The following S100A8 variants were observed in gnomAD, a reference collection of about 807,000 sequenced individuals.
S100A8 encodes S100 calcium binding protein A8.
Under a neutral mutation model 4.2 loss-of-function variants are expected in S100A8, and 1 was observed. That is an observed-to-expected ratio of 0.24 (90% CI 0.08 to 1.12). The LOEUF (loss-of-function observed/expected upper bound fraction) is 1.12. S100A8 is among the 50% of genes most tolerant of loss of function. S100A8 has a pLI of 0.53. For missense variants in S100A8, 96 were observed against 111.8 expected, an observed-to-expected ratio of 0.86 and a Z score of 0.64; for synonymous variants, 41 against 44.7, an observed-to-expected ratio of 0.92 and a Z score of 0.33.
chr1:153,394,183 C>T (rs1662165176), upstream of S100A8, among the ~76,000 whole-genome samples: 1 of 152,178 alleles, frequency 6.6e-6, no homozygotes, highest in Non-Finnish European at 1.5e-5. Flanking sequence ...TGTGTCCCAA[C>T]AGACCTGACA....
the S100A8 span, among the ~76,000 whole-genome samples, chr1:153,415,231 C>T: frequency 1.3e-5 from 2 of 151,440 alleles, no homozygotes; most frequent in African/African-American, 2.4e-5. Flanking sequence ...GTAATATTGC[C>T]GTCATATGGG....
At chr1:153,395,483 G>A (rs772499145), upstream of S100A8, among the ~76,000 whole-genome samples, 7 of 152,128 alleles carry the variant, frequency 4.6e-5, no homozygotes, top group African/African-American at 9.7e-5. Flanking sequence ...GGACCTTGAT[G>A]TTCTGCCTTT....
upstream of S100A8, among the ~76,000 whole-genome samples, chr1:153,394,380 G>A (rs564694497): frequency 1.3e-5 from 2 of 152,292 alleles, no homozygotes; most frequent in African/African-American, 4.8e-5. Flanking sequence ...AAGAAGAGTG[G>A]CCAAAGTAAC....
At chr1:153,418,855 T>G in the S100A8 span, among the ~76,000 whole-genome samples, 4 of 152,106 alleles carry the variant, frequency 2.6e-5, no homozygotes, top group African/African-American at 9.7e-5. Context: ...ACAGGCAAGA[T>G]TGAGGCTGGG....
At chr1:153,407,500 T>C in the S100A8 span, among the ~76,000 whole-genome samples, 2 of 152,164 alleles carry the variant, frequency 1.3e-5, no homozygotes, top group Admixed American at 1.3e-4. Context: ...CCACCACAGC[T>C]AAAGGAGGTC....
the S100A8 span, among the ~76,000 whole-genome samples, chr1:153,403,760 C>T: frequency 3.9e-5 from 6 of 152,184 alleles, no homozygotes; most frequent in African/African-American, 7.2e-5. Context: ...ACACTTTTGA[C>T]GCCAAATGTG....
the S100A8 span, chr1:153,417,913 GAAC>G: frequency 2.1e-6 from 2 of 965,400 alleles, no homozygotes; most frequent in Non-Finnish European, 1.5e-6. Context: ...TCTCATTTTT[GAAC>G]AACTTATCCC....
chr1:153,407,175 C>A, the S100A8 span, among the ~76,000 whole-genome samples: 3 of 152,222 alleles, frequency 2.0e-5, no homozygotes, highest in Non-Finnish European at 4.4e-5. Flanking sequence ...GTGAGCATCA[C>A]CTCACCCAGG....
the S100A8 span, among the ~76,000 whole-genome samples, chr1:153,413,667 G>A: frequency 0.018 from 2,753 of 152,256 alleles, 83 homozygotes; most frequent in African/African-American, 0.063. Context: ...TTGGGAGGCC[G>A]AGATGAGTGG....
chr1:153,421,947 A>G, the S100A8 span: 3 of 152,236 alleles, frequency 2.0e-5, no homozygotes, highest in Non-Finnish European at 2.9e-5. Context: ...AATGTTCCTG[A>G]GACTATTTCA....
the S100A8 span, chr1:153,418,240 C>T: frequency 6.2e-7 from 1 of 1,613,806 alleles, no homozygotes; most frequent in East Asian, 2.2e-5. Flanking sequence ...TGGGGTCTAG[C>T]TTCTCAATGT....
chr1:153,414,573 C>T, the S100A8 span, among the ~76,000 whole-genome samples: 1 of 152,186 alleles, frequency 6.6e-6, no homozygotes, highest in South Asian at 2.1e-4. Flanking sequence ...CCAGTACACA[C>T]TTATGAGAAT....
At chr1:153,411,884 G>T in the S100A8 span, among the ~76,000 whole-genome samples, 1 of 152,168 alleles carries the variant, frequency 6.6e-6, no homozygotes, top group Admixed American at 6.5e-5. Context: ...AATGGGGAAA[G>T]GATTCCCTAT....
the S100A8 span, chr1:153,418,267 T>C: frequency 6.2e-7 from 1 of 1,604,032 alleles, no homozygotes; most frequent in Non-Finnish European, 8.5e-7. Flanking sequence ...GACCCTGGCA[T>C]GGCTGAGGAT....
chr1:153,391,651 T>G (rs1156263895), upstream of S100A8, among the ~76,000 whole-genome samples: 4 of 152,170 alleles, frequency 2.6e-5, no homozygotes, highest in Non-Finnish European at 5.9e-5. Context: ...GGAAATGTGT[T>G]GTTGCCAAGG....
At chr1:153,396,196 A>G in the S100A8 span, among the ~76,000 whole-genome samples, 2 of 152,228 alleles carry the variant, frequency 1.3e-5, no homozygotes, top group South Asian at 4.1e-4. Flanking sequence ...CTCCTCAGAC[A>G]GGGACTCCCT....
At chr1:153,411,416 C>T in the S100A8 span, among the ~76,000 whole-genome samples, 1 of 152,194 alleles carries the variant, frequency 6.6e-6, no homozygotes, top group Non-Finnish European at 1.5e-5. Flanking sequence ...AGGAATCCAA[C>T]TTACAAGGGA....
chr1:153,407,398 A>G, the S100A8 span, among the ~76,000 whole-genome samples: 1 of 152,198 alleles, frequency 6.6e-6, no homozygotes, highest in African/African-American at 2.4e-5. Context: ...ATCAAACTGC[A>G]CGGCGGCAGT....
chr1:153,392,274 G>C (rs898753562), upstream of S100A8, among the ~76,000 whole-genome samples: 1 of 152,078 alleles, frequency 6.6e-6, no homozygotes, highest in Non-Finnish European at 1.5e-5. Flanking sequence ...GAAGCAAAAC[G>C]ACAATGAGAT....
Sources: gnomAD v4.1 joint callset for allele counts (sites outside exome capture counted in the v4.1 genomes callset) on GRCh38, gnomAD v4.1.1 for gene constraint, MANE v1.5 for transcripts, NCBI Gene and HGNC (gene_info 2026-07-23, HGNC 2026-07-21) for gene names.